Variants in RNPS1 observed in about 807,000 individuals in gnomAD.
The protein encoded by RNPS1 is RNA binding protein with serine rich domain 1.
For synonymous variants in RNPS1, 147 were observed against 150.0 expected (o/e 0.98, Z 0.15); for missense variants, 300 against 427.6 (o/e 0.70, Z 2.63).
At chr16:2,266,499 CTCA>C (rs1224472136) in intron 1 of RNPS1, 1 of 947,556 alleles carries the variant, frequency 1.1e-6, no homozygotes, top group Non-Finnish European at 1.3e-6. Flanking sequence ...TCTCAAGTTT[CTCA>C]TCATCAATAT....
At chr16:2,258,133 T>C (rs2093586800) in intron 6 of RNPS1, 1 of 152,240 alleles carries the variant, frequency 6.6e-6, no homozygotes. Context: ...AGAAATAAAC[T>C]GTATAGATTC....
chr16:2,264,247 C>A lies in RNPS1; in HGVS notation c.156G>T (p.Ser52=), dbSNP rs200919742. The part of the protein sequence containing the change: ...RSKDKGATKE[S]SEKDRGRDKT... ...TGTCCCGGCCGCGATCCTTCTCACT[C>A]GACTCCTTGGTGGCCCCTTTATCTT... The change falls in exon 3 of 8, where the codon TCG becomes TCT. Residue 52 remains serine (S), a synonymous_variant. Coordinates refer to ENST00000320225, the MANE Select transcript of RNPS1 (RefSeq NM_080594.4). 42 of 1,614,188 alleles carry A rather than the reference C, an allele frequency of 2.6e-5. No homozygotes were observed. The highest frequency in any genetic ancestry group is 3.3e-5 in the Non-Finnish European group (39 of 1,180,042).
intron 1 of RNPS1, chr16:2,265,405 G>C: frequency 1.3e-5 from 2 of 151,528 alleles, no homozygotes; most frequent in Middle Eastern, 3.4e-3. Context: ...CACTTTTAAA[G>C]AAAAAATAAG....
intron 1 of RNPS1, 23 bp from the exon 2 acceptor site, chr16:2,264,783 TAA>T: frequency 6.8e-7 from 1 of 1,475,074 alleles, no homozygotes. Context: ...TAAAAGGGTT[TAA>T]AGAGTGAACG....
In RNPS1 at chr16:2,254,091, A is replaced by G. The variant is rs755313737; in HGVS notation, c.819-28T>C. 8.4e-6 allele frequency: 12 copies of G among 1,436,972 alleles called. No individual in the cohort carries two copies. The African/African-American group carries it at 1.0e-4, about 12-fold the overall frequency. 89.0% of individuals were successfully genotyped at this position (1,436,972 alleles called of 1,614,324 possible). A position where few individuals can be genotyped will look rare whatever the true frequency, so the allele number is the denominator to read the frequency against. On this transcript the variant is annotated intron_variant, in intron 7 of 7. Transcript: ENST00000320225. ...GCGGGAAGAGGAGAAACCACATCAG[A>G]GTAGCTCAGGCTGTAGGGGCAAGCT... is the stretch of plus-strand genomic sequence containing the variant.
At chr16:2,266,371 T>A (rs377201439) in intron 1 of RNPS1, 2 of 970,546 alleles carry the variant, frequency 2.1e-6, no homozygotes, top group East Asian at 2.3e-4. Context: ...CTCGACACTC[T>A]TTGTGTCCTC....
At chr16:2,260,649 A>AT (rs576990868) in intron 6 of RNPS1, among the ~76,000 whole-genome samples, 33 of 152,308 alleles carry the variant, frequency 2.2e-4, no homozygotes, top group Admixed American at 1.2e-3. Context: ...CAGGTATTTA[A>AT]TTGTACATAT....
At chr16:2,260,121 A>T (rs1448310157) in intron 6 of RNPS1, among the ~76,000 whole-genome samples, 2 of 151,028 alleles carry the variant, frequency 1.3e-5, no homozygotes, top group Non-Finnish European at 2.9e-5. Context: ...CAGAATTTGG[A>T]AACTATTTGT....
chr16:2,263,116 G>A lies in RNPS1; in HGVS notation c.399C>T (p.Asn133=). Residue 133 remains asparagine, a synonymous_variant, in exon 4 of 8, where the codon AAC becomes AAT. Coordinates refer to ENST00000320225, the MANE Select transcript of RNPS1 (RefSeq NM_080594.4). ...CTCACTTGGAGCGGGAGCGCCTCCT[G>A]TTGTCGTGTCTGCGCCGAGAAGGAC... ...SPSPSRRRHD[N]RRRSRSKSKP... 1.2e-6 allele frequency: 2 copies of A among 1,612,970 alleles called. No homozygotes were observed. The highest frequency in any genetic ancestry group is 1.7e-6 in the Non-Finnish European group (2 of 1,179,866).
At position 2,253,510 on chromosome 16, in the gene RNPS1, G is replaced by A. The variant is rs531525801; in HGVS notation, c.*454C>T. ...GACCCTTGAGGTCAGAAGAGGCCTC[G>A]AGAGGCCAGGCCTAACAGGGTTGGC... On this transcript the variant is annotated 3_prime_UTR_variant, in exon 8 of 8. Transcript: ENST00000320225. The A allele has an allele frequency of 6.6e-4, 176 of 267,052 alleles. 1 individual carries two copies. The highest frequency in any genetic ancestry group is 5.2e-3 in the South Asian group (149 of 28,488). The allele number at this position is 267,052 out of a possible 1,614,324, so 16.5% of individuals were successfully genotyped here.
In RNPS1 at chr16:2,264,737, T is replaced by C. The variant is rs1237209262; in HGVS notation, c.-94A>G. On this transcript the variant is annotated 5_prime_UTR_variant, in exon 2 of 8. Transcript: ENST00000320225. ...ATTCTGAGAAACGATCCCTAATCGA[T>C]TGCAATTTACGCCAAAGAGCAGCCT... 1.3e-6 allele frequency: 2 copies of C among 1,575,746 alleles called. No individual in the cohort carries two copies. Among genetic ancestry groups the C allele is most frequent in the South Asian group, 1.1e-5 (1 of 87,342 alleles).
chr16:2,263,370 C>A (rs2093611460), intron 3 of RNPS1, 83 bp from the exon 4 acceptor site: 10 of 1,376,484 alleles, frequency 7.3e-6, no homozygotes, highest in East Asian at 2.3e-5. Context: ...TGTGCTCCCC[C>A]CAGGAGAAAC....
At chr16:2,254,827 C>T (rs1164011012) in intron 7 of RNPS1, among the ~76,000 whole-genome samples, 1 of 148,132 alleles carries the variant, frequency 6.8e-6, no homozygotes, top group Non-Finnish European at 1.5e-5. Flanking sequence ...CTGCAAGCTC[C>T]ACCTCCCGGG....
In RNPS1 at chr16:2,260,534, T is replaced by C. The variant is rs113481881; in HGVS notation, c.676+1744A>G. ...CCTCCTATTTTGTGTACACAGTCCC[T>C]GTACAGGGTTTCTAATCTGAGGGAA... On this transcript the variant is annotated intron_variant, in intron 6 of 7. Transcript: ENST00000320225. 4.3e-4 allele frequency among the ~76,000 whole-genome samples: 65 copies of C among 152,316 alleles called. 1 individual carries two copies. Among genetic ancestry groups the C allele is most frequent in the African/African-American group, 1.5e-3 (64 of 41,574 alleles).
chr16:2,262,233 C>A, intron 6 of RNPS1, 45 bp downstream of exon 6: 1 of 1,579,638 alleles, frequency 6.3e-7, no homozygotes, highest in Non-Finnish European at 8.6e-7. Flanking sequence ...CCCCTCGCGG[C>A]GGCGGGTCTC....
chr16:2,261,667 C>T (rs991623760), intron 6 of RNPS1, among the ~76,000 whole-genome samples: 5 of 152,092 alleles, frequency 3.3e-5, no homozygotes, highest in Non-Finnish European at 7.4e-5. Flanking sequence ...ATAAGAAAAG[C>T]CCACCAAAAG....
chr16:2,267,847 G>GCGGCCCCGACCACTTCCGGGCCA (rs2093631702), intron 1 of RNPS1: 1 of 1,509,276 alleles, frequency 6.6e-7, no homozygotes, highest in Admixed American at 2.1e-5. Flanking sequence ...TCCGTCCGCA[G>GCGGCCCCGACCACTTCCGGGCCA]CGGCCCCGAC....
chr16:2,266,716 T>C (rs2093626499), intron 1 of RNPS1: 4 of 985,264 alleles, frequency 4.1e-6, no homozygotes, highest in Non-Finnish European at 3.6e-6. Flanking sequence ...CACTGTCCAA[T>C]AGAAACCGTG....
At chr16:2,255,537 C>T (rs745372483) in intron 7 of RNPS1, 48 bp downstream of exon 7, 3 of 1,532,222 alleles carry the variant, frequency 2.0e-6, no homozygotes, top group Non-Finnish European at 2.6e-6. Context: ...ACTGCGGTCA[C>T]ATGAGGTTTG....
Sources: gnomAD v4.1 joint callset for allele counts (sites outside exome capture counted in the v4.1 genomes callset) on GRCh38, gnomAD v4.1.1 for gene constraint, MANE v1.5 for transcripts, NCBI Gene and HGNC (gene_info 2026-07-23, HGNC 2026-07-21) for gene names.